CIRSR: variants seen among roughly 807,000 people sequenced by gnomAD.
CIRSR encodes the protein corepressor of RBPJ and splicing regulator.
the CIRSR span, among the ~76,000 whole-genome samples, chr2:174,354,583 A>T: frequency 4.1e-3 from 52 of 12,632 alleles, no homozygotes; most frequent in Middle Eastern, 0.019. Flanking sequence ...ATTATATATT[A>T]TATATATCAT....
chr2:174,381,640 G>C, the CIRSR span: 1 of 1,298,902 alleles, frequency 7.7e-7, no homozygotes, highest in Non-Finnish European at 1.1e-6. Flanking sequence ...CTGGACGACA[G>C]GGCAAGACTG....
chr2:174,378,791 C>A, the CIRSR span: 1 of 735,978 alleles, frequency 1.4e-6, no homozygotes, highest in Non-Finnish European at 2.4e-6. Flanking sequence ...TGGGAATGGT[C>A]TTAGTCAAAA....
At chr2:174,378,607 G>A in the CIRSR span, 1 of 339,912 alleles carries the variant, frequency 2.9e-6, no homozygotes, top group Non-Finnish European at 5.5e-6. Context: ...ATGAGTATGA[G>A]AAATAAGCAT....
At chr2:174,360,335 CTT>C in the CIRSR span, among the ~76,000 whole-genome samples, 2 of 152,144 alleles carry the variant, frequency 1.3e-5, no homozygotes, top group Admixed American at 1.3e-4. Context: ...ATAGGAAAGA[CTT>C]AAATTGTAAA....
chr2:174,380,805 T>C, the CIRSR span: 41 of 1,595,216 alleles, frequency 2.6e-5, no homozygotes, highest in Admixed American at 5.8e-4. Context: ...GTACTTTACC[T>C]CTTTGTTTTC....
chr2:174,348,650 T>C, the CIRSR span: 5 of 1,614,232 alleles, frequency 3.1e-6, no homozygotes, highest in Non-Finnish European at 3.4e-6. Context: ...TTGTCTCCCT[T>C]TGCTTGTAAC....
the CIRSR span, chr2:174,379,125 A>G: frequency 2.1e-6 from 2 of 944,124 alleles, no homozygotes; most frequent in Non-Finnish European, 3.4e-6. Context: ...ATAGAATTTA[A>G]GCTAAATTAC....
chr2:174,380,184 A>G, the CIRSR span: 4 of 1,556,398 alleles, frequency 2.6e-6, no homozygotes, highest in Non-Finnish European at 3.5e-6. Flanking sequence ...CTTACAGAGT[A>G]AAATATGTGT....
the CIRSR span, chr2:174,379,105 C>T: frequency 1.8e-6 from 2 of 1,101,092 alleles, no homozygotes; most frequent in Non-Finnish European, 1.4e-6. Context: ...GTTCAAATTC[C>T]TATTCCTTGA....
chr2:174,388,207 C>G, the CIRSR span, among the ~76,000 whole-genome samples: 1 of 151,816 alleles, frequency 6.6e-6, no homozygotes, highest in African/African-American at 2.4e-5. Flanking sequence ...GATACGAGTT[C>G]TTTTTATTTT....
chr2:174,389,399 A>G, the CIRSR span, among the ~76,000 whole-genome samples: 1 of 152,172 alleles, frequency 6.6e-6, no homozygotes, highest in Non-Finnish European at 1.5e-5. Context: ...TTGCTAGGCA[A>G]AGAAACTGGT....
At chr2:174,377,064 A>G in the CIRSR span, among the ~76,000 whole-genome samples, 1 of 152,178 alleles carries the variant, frequency 6.6e-6, no homozygotes, top group East Asian at 1.9e-4. Context: ...TCAGGATCAG[A>G]GTTACACAAG....
At chr2:174,381,688 G>A in the CIRSR span, 42 of 1,561,764 alleles carry the variant, frequency 2.7e-5, no homozygotes, top group Middle Eastern at 1.8e-4. Flanking sequence ...AAAAAGAAAC[G>A]GAAGAAGATA....
the CIRSR span, chr2:174,348,399 A>G: frequency 2.7e-6 from 4 of 1,505,238 alleles, no homozygotes; most frequent in South Asian, 2.8e-5. Flanking sequence ...AGACAACAGT[A>G]CATAATTTAC....
chr2:174,359,996 T>C, the CIRSR span, among the ~76,000 whole-genome samples: 2 of 151,952 alleles, frequency 1.3e-5, no homozygotes, highest in Non-Finnish European at 2.9e-5. Flanking sequence ...CACTCATAGG[T>C]AGGAATTGAA....
At chr2:174,354,456 TAATATATAA>T in the CIRSR span, among the ~76,000 whole-genome samples, 23 of 94,780 alleles carry the variant, frequency 2.4e-4, no homozygotes, top group Non-Finnish European at 3.7e-4. Context: ...TTATATAATA[TAATATATAA>T]AATATATATA....
chr2:174,357,934 CTG>C, the CIRSR span, among the ~76,000 whole-genome samples: 2 of 152,140 alleles, frequency 1.3e-5, no homozygotes, highest in Non-Finnish European at 2.9e-5. Flanking sequence ...CAAGAACCAA[CTG>C]TACTGAATTG....
At chr2:174,360,760 A>C in the CIRSR span, among the ~76,000 whole-genome samples, 1 of 152,232 alleles carries the variant, frequency 6.6e-6, no homozygotes, top group African/African-American at 2.4e-5. Context: ...TGTTCAAGTC[A>C]ACAAAATTTC....
At chr2:174,350,787 C>T in the CIRSR span, 1 of 1,391,576 alleles carries the variant, frequency 7.2e-7, no homozygotes, top group South Asian at 1.3e-5. Flanking sequence ...GATTTCAACA[C>T]AAGGTAGTTA....
Sources: gnomAD v4.1 joint callset for allele counts (sites outside exome capture counted in the v4.1 genomes callset) on GRCh38, gnomAD v4.1.1 for gene constraint, MANE v1.5 for transcripts, NCBI Gene and HGNC (gene_info 2026-07-23, HGNC 2026-07-21) for gene names.